Variants in HOMER1 observed in about 807,000 individuals in gnomAD.
HOMER1 encodes homer protein homolog 1.
A neutral mutation model predicts 48.9 loss-of-function variants in HOMER1; 3 were observed. That is an observed-to-expected ratio of 0.06 (90% CI 0.03 to 0.16). HOMER1 has a LOEUF of 0.16. HOMER1 is among the 10% of genes least tolerant of loss of function. HOMER1 has a pLI of 1.00. For synonymous variants in HOMER1, 134 were observed against 146.4 expected (o/e 0.92, Z 0.61); for missense variants, 247 against 411.4 (o/e 0.60, Z 3.46).
chr5:79,414,095 TTTA>T (rs962482332), intron 5 of HOMER1, among the ~76,000 whole-genome samples: 1 of 151,964 alleles, frequency 6.6e-6, no homozygotes, highest in Non-Finnish European at 1.5e-5. Context: ...TAAAAAAAAG[TTTA>T]TTATTTTGAG....
At chr5:79,438,458 T>C (rs527383007) in intron 5 of HOMER1, among the ~76,000 whole-genome samples, 3 of 152,318 alleles carry the variant, frequency 2.0e-5, no homozygotes, top group South Asian at 2.1e-4. Flanking sequence ...TGAAGACTTA[T>C]CTCCTGTTAG....
chr5:79,479,256 G>GC (rs1183019989), intron 1 of HOMER1, among the ~76,000 whole-genome samples: 8 of 152,278 alleles, frequency 5.3e-5, no homozygotes, highest in Admixed American at 5.2e-4. Flanking sequence ...AATGAATGTA[G>GC]AAGGCTGAAT....
chr5:79,391,611 T>C (rs560545663), intron 8 of HOMER1, among the ~76,000 whole-genome samples: 116 of 151,578 alleles, frequency 7.7e-4, no homozygotes, highest in African/African-American at 2.8e-3. Flanking sequence ...CCGGGCGTGG[T>C]GGCATGTGCC....
At chr5:79,510,752 C>T in intron 1 of HOMER1, 1 of 767,826 alleles carries the variant, frequency 1.3e-6, no homozygotes. Flanking sequence ...GGGAAGCATG[C>T]TCGTGCCCGC....
intron 5 of HOMER1, among the ~76,000 whole-genome samples, chr5:79,404,999 G>A (rs1014302572): frequency 6.6e-6 from 1 of 151,924 alleles, no homozygotes; most frequent in Non-Finnish European, 1.5e-5. Context: ...ATGAGCCATC[G>A]TGCCCGGTCC....
rs139245050 is a variant in HOMER1, at chr5:79,407,499, A to G, written c.528-5444T>C. Among the ~76,000 whole-genome samples the G allele has an allele frequency of 2.8e-4, 43 of 152,322 alleles. 1 individual carries two copies. The East Asian group carries it at 8.1e-3, about 29-fold the overall frequency. ...GAATTTTAGCAGAGCAATGAAAACT[A>G]TGGGAAAGAACCCAACAGAAATGTT... On this transcript the variant is annotated intron_variant, in intron 5 of 8. Coordinates refer to ENST00000334082, the MANE Select transcript of HOMER1 (RefSeq NM_004272.5).
In HOMER1 at chr5:79,463,227, A is replaced by T. The variant is rs150614044; in HGVS notation, c.6-6209T>A. Among the ~76,000 whole-genome samples, 176 of 152,348 alleles carry T rather than the reference A, an allele frequency of 1.2e-3. 2 individuals carry two copies. The highest frequency in any genetic ancestry group is 6.0e-4 in the Non-Finnish European group (41 of 68,036). On this transcript the variant is annotated intron_variant, in intron 1 of 8. Transcript: ENST00000334082. ...ACTGTGAGCTTCGCTAAGGATAATC[A>T]TGGCAATCCCATTCTTGCCAGAAGT...
intron 1 of HOMER1, among the ~76,000 whole-genome samples, chr5:79,508,649 A>G (rs2093116306): frequency 6.6e-6 from 1 of 152,178 alleles, no homozygotes; most frequent in Admixed American, 6.5e-5. Context: ...TTATTTGTCT[A>G]AGAGGCTCAC....
chr5:79,432,540 T>C (rs1002338399), intron 5 of HOMER1, among the ~76,000 whole-genome samples: 1 of 152,202 alleles, frequency 6.6e-6, no homozygotes, highest in Non-Finnish European at 1.5e-5. Context: ...ACATAAAGAA[T>C]AGTTTTTTTC....
chr5:79,506,405 T>C (rs1480833513), intron 1 of HOMER1, among the ~76,000 whole-genome samples: 2 of 152,172 alleles, frequency 1.3e-5, no homozygotes, highest in African/African-American at 4.8e-5. Context: ...ATGACAAATG[T>C]GTTACACTCA....
At chr5:79,406,272 C>T (rs1173606658) in intron 5 of HOMER1, among the ~76,000 whole-genome samples, 1 of 152,106 alleles carries the variant, frequency 6.6e-6, no homozygotes, top group Non-Finnish European at 1.5e-5. Flanking sequence ...TAAGATACAA[C>T]TCTGGTAAAA....
chr5:79,390,328 A>AAACC (rs1749218325), intron 8 of HOMER1, among the ~76,000 whole-genome samples: 1 of 152,036 alleles, frequency 6.6e-6, no homozygotes, highest in Non-Finnish European at 1.5e-5. Context: ...CCCAAAAAAC[A>AAACC]AACCAGACAG....
chr5:79,448,170 G>A (rs1379591508), intron 3 of HOMER1, among the ~76,000 whole-genome samples: 2 of 152,136 alleles, frequency 1.3e-5, no homozygotes, highest in Non-Finnish European at 2.9e-5. Context: ...TCTGAGGAAA[G>A]TGAATTTGTG....
chr5:79,493,716 A>G (rs1447387662), intron 1 of HOMER1, among the ~76,000 whole-genome samples: 1 of 152,040 alleles, frequency 6.6e-6, no homozygotes, highest in African/African-American at 2.4e-5. Context: ...CTCAATAATT[A>G]TCCCTCTCTA....
At chr5:79,381,622 C>T (rs1391691088) in intron 8 of HOMER1, among the ~76,000 whole-genome samples, 2 of 152,136 alleles carry the variant, frequency 1.3e-5, no homozygotes, top group South Asian at 2.1e-4. Flanking sequence ...CAGTGGCTCA[C>T]GCCTGTAATC....
rs34470593 is a variant in HOMER1 at position 79,375,904 on chromosome 5, A to AT, written c.*104dup. 0.26 allele frequency: 90,084 copies of AT among 349,026 alleles called. 3,879 individuals are homozygous for AT. The highest frequency in any genetic ancestry group is 0.29 in the Middle Eastern group (375 of 1,284). The allele number at this position is 349,026 out of a possible 1,614,324, so 21.6% of individuals were successfully genotyped here. ...CCTCCTCCTGGAGGAGTGATATTCA[A>AT]TTTTTTTTTTTTTTTTTTTGTGCAA... On this transcript the variant is annotated 3_prime_UTR_variant, in exon 9 of 9. Transcript: ENST00000334082.
At chr5:79,502,862 C>G (rs1486852300) in intron 1 of HOMER1, among the ~76,000 whole-genome samples, 2 of 152,214 alleles carry the variant, frequency 1.3e-5, no homozygotes, top group African/African-American at 4.8e-5. Flanking sequence ...GCAATCTCAG[C>G]TCACTGCAAG....
intron 1 of HOMER1, among the ~76,000 whole-genome samples, chr5:79,469,512 A>T (rs1006650673): frequency 2.0e-5 from 3 of 152,206 alleles, no homozygotes; most frequent in Non-Finnish European, 4.4e-5. Context: ...CGAGTCATCT[A>T]GCTATAAGCC....
At chr5:79,411,219 T>G (rs1438095351) in intron 5 of HOMER1, among the ~76,000 whole-genome samples, 1 of 152,242 alleles carries the variant, frequency 6.6e-6, no homozygotes, top group Non-Finnish European at 1.5e-5. Context: ...GCACAGTGGC[T>G]GATGCCTATA....
Sources: allele counts gnomAD v4.1 joint callset (sites outside exome capture counted in the v4.1 genomes callset), GRCh38; gene constraint gnomAD v4.1.1; transcripts MANE v1.5; gene names NCBI Gene and HGNC (gene_info 2026-07-23, HGNC 2026-07-21).